The following WDR75 variants were observed in gnomAD, a reference collection of about 807,000 sequenced individuals.
The protein encoded by WDR75 is WD repeat domain 75.
In WDR75, 52 loss-of-function variants were observed where a neutral mutation model predicts 106.1. That is an observed-to-expected ratio of 0.49 (90% CI 0.39 to 0.62). WDR75 has a LOEUF of 0.62. WDR75 is among the 20% of genes least tolerant of loss of function. The probability of loss-of-function intolerance (pLI) is 0.00; values close to 1 mark genes in which losing one functional copy is unlikely to be tolerated. For missense variants in WDR75, 905 were observed against 970.3 expected (o/e 0.93, Z 0.89); for synonymous variants, 333 against 335.5 (o/e 0.99, Z 0.08).
At chr2:189,451,919 A>G (rs1686631262) in intron 4 of WDR75, 24 bp downstream of exon 4, 1 of 1,575,068 alleles carries the variant, frequency 6.3e-7, no homozygotes, top group Admixed American at 1.7e-5. Flanking sequence ...AACTTACTAT[A>G]TATGGCATTG....
intron 18 of WDR75, 115 bp from the exon 19 acceptor site, chr2:189,474,070 AT>A: frequency 8.9e-7 from 1 of 1,127,694 alleles, no homozygotes; most frequent in African/African-American, 1.6e-5. Context: ...TAACTGGATA[AT>A]TTGTAAAATT....
rs1686800094 is a variant in WDR75, at chr2:189,458,850, A to G, written c.667A>G (p.Met223Val). Residue 223 changes from methionine to valine, a missense_variant, in exon 7 of 21, where the codon ATG becomes GTG. Met to Val is a conservative substitution (Grantham distance 21, BLOSUM62 1). Coordinates refer to ENST00000314761, the MANE Select transcript of WDR75 (RefSeq NM_032168.3). Reference protein sequence around the residue: ...PTEDCIASGHMDGKIRLWRNF... With the variant: ...PTEDCIASGHVDGKIRLWRNF... ...GGAAGACTGCATCGCATCTGGTCAC[A>G]TGGATGGCAAAATTCGTCTTTGGTC... is the stretch of plus-strand genomic sequence containing the variant. 2 of 1,603,048 alleles carry G rather than the reference A, an allele frequency of 1.2e-6. No individual in the cohort carries two copies. The highest frequency in any genetic ancestry group is 1.7e-6 in the Non-Finnish European group (2 of 1,175,596).
chr2:189,468,411 C>T, intron 14 of WDR75, 64 bp from the exon 15 acceptor site: 4 of 1,448,714 alleles, frequency 2.8e-6, no homozygotes, highest in Non-Finnish European at 3.9e-6. Context: ...TGGAAGCCTG[C>T]AGTTCTTTGT....
intron 3 of WDR75, 87 bp downstream of exon 3, chr2:189,451,055 A>G: frequency 7.1e-7 from 1 of 1,408,948 alleles, no homozygotes; most frequent in Non-Finnish European, 9.3e-7. Context: ...TATAAGGCCA[A>G]ATATTTAAAT....
At position 189,441,572 on chromosome 2, in the gene WDR75, A is replaced by G; in HGVS notation, c.80A>G (p.Asp27Gly). Residue 27 changes from aspartate to glycine, a missense_variant, in exon 1 of 21, where the codon GAT (aspartate) becomes GGT (glycine). Asp to Gly is a moderately conservative substitution (Grantham distance 94, BLOSUM62 -1). Coordinates refer to ENST00000314761, the MANE Select transcript of WDR75 (RefSeq NM_032168.3). ...LNFRRAVFSA[D>G]SKYIFCVSGD... ...TTTAGGAGAGCTGTGTTCTCTGCAG[A>G]TTCTAAGTATGAGGGGCACCGCGCT... 6.4e-7 allele frequency: 1 copy of G among 1,557,860 alleles called. No homozygotes were observed. Among genetic ancestry groups the G allele is most frequent in the Non-Finnish European group, 8.7e-7 (1 of 1,149,972 alleles).
At chr2:189,456,391 A>G (rs1686737008) in intron 5 of WDR75, among the ~76,000 whole-genome samples, 1 of 152,140 alleles carries the variant, frequency 6.6e-6, no homozygotes, top group Non-Finnish European at 1.5e-5. Flanking sequence ...ATTCATCAGC[A>G]AGAGAATAAA....
intron 4 of WDR75, among the ~76,000 whole-genome samples, chr2:189,454,855 C>T (rs79097731): frequency 0.065 from 9,840 of 152,170 alleles, 495 homozygotes; most frequent in African/African-American, 0.14. Flanking sequence ...TTAAAACTTG[C>T]TCATTCAAAC....
chr2:189,469,071 A>G (rs1407551354), intron 15 of WDR75, among the ~76,000 whole-genome samples: 1 of 152,184 alleles, frequency 6.6e-6, no homozygotes, highest in Non-Finnish European at 1.5e-5. Flanking sequence ...TCTGGTTAAC[A>G]TACTGTACAC....
At chr2:189,450,301 C>T (rs1038378934) in intron 2 of WDR75, 2 of 985,632 alleles carry the variant, frequency 2.0e-6, no homozygotes, top group Non-Finnish European at 2.4e-6. Context: ...ACTGAGTAAG[C>T]TGAGTTCTGG....
chr2:189,453,215 A>G (rs1013568531), intron 4 of WDR75, among the ~76,000 whole-genome samples: 1 of 152,202 alleles, frequency 6.6e-6, no homozygotes. Context: ...CGTATGTTGA[A>G]TACGTGGATT....
intron 14 of WDR75, 27 bp from the exon 15 acceptor site, chr2:189,468,448 G>A (rs1251532039): frequency 6.2e-7 from 1 of 1,609,650 alleles, no homozygotes; most frequent in Admixed American, 1.7e-5. Flanking sequence ...ACTGACTGTT[G>A]CTAACTTCCT....
chr2:189,463,939 A>G lies in WDR75; in HGVS notation c.1091A>G (p.Gln364Arg), dbSNP rs368570403. Residue 364 changes from glutamine (Q) to arginine (R), a missense_variant, in exon 11 of 21, where the codon CAG (glutamine) becomes CGG (arginine). Physicochemically the swap from Gln to Arg is conservative, Grantham distance 43. Coordinates refer to ENST00000314761, the MANE Select transcript of WDR75 (RefSeq NM_032168.3). ...GGCCACCTGCAGTTTTATTCTCTCC[A>G]GAGTGATAAACAGTTATACAATGTA... is the stretch of plus-strand genomic sequence containing the variant. ...KPGHLQFYSL[Q>R]SDKQLYNLDI... 4 of 1,613,572 alleles carry G rather than the reference A, an allele frequency of 2.5e-6. No homozygotes were observed. In the African/African-American group the frequency reaches 4.0e-5, roughly 16 times the overall value.
chr2:189,444,982 T>C (rs1270726895), intron 1 of WDR75, among the ~76,000 whole-genome samples: 1 of 152,180 alleles, frequency 6.6e-6, no homozygotes, highest in African/African-American at 2.4e-5. Flanking sequence ...AATTTCTTAC[T>C]TCTTCACTTT....
chr2:189,441,511 A>T lies in WDR75; in HGVS notation c.19A>T (p.Ile7Phe), dbSNP rs1282164785. 2 of 1,565,616 alleles carry T rather than the reference A, an allele frequency of 1.3e-6. No individual in the cohort carries two copies. The highest frequency in any genetic ancestry group is 2.7e-5 in the African/African-American group (2 of 73,892). Residue 7 changes from isoleucine (I) to phenylalanine (F), a missense_variant, in exon 1 of 21, where the codon ATC becomes TTC. Physicochemically the swap from Ile to Phe is conservative, Grantham distance 21. Transcript: ENST00000314761. Reference protein sequence around the residue: MVEEENIRVVRCGGSEL... With the variant: MVEEENFRVVRCGGSEL... Reference sequence around the variant, plus strand: ...CGCAAAGATGGTGGAGGAGGAGAACATCCGCGTGGTTCGTTGTGGCGGCAG... The same window carrying T: ...CGCAAAGATGGTGGAGGAGGAGAACTTCCGCGTGGTTCGTTGTGGCGGCAG...
chr2:189,443,336 CAG>C (rs1220275945), intron 1 of WDR75, among the ~76,000 whole-genome samples: 4 of 152,092 alleles, frequency 2.6e-5, no homozygotes, highest in Non-Finnish European at 4.4e-5. Context: ...GCAAGAAAGA[CAG>C]AAGTGATTTC....
chr2:189,449,163 T>A (rs1686563959), intron 2 of WDR75: 1 of 1,010,890 alleles, frequency 9.9e-7, no homozygotes, highest in African/African-American at 1.7e-5. Context: ...TTCTTAAGTT[T>A]CGGCAAATCT....
At chr2:189,456,531 T>C (rs757047008) in intron 5 of WDR75, among the ~76,000 whole-genome samples, 57 of 151,550 alleles carry the variant, frequency 3.8e-4, no homozygotes, top group Non-Finnish European at 6.2e-4. Flanking sequence ...CAGAAAAGAG[T>C]GTATATTTTA....
At chr2:189,457,689 G>A (rs1446097434) in intron 6 of WDR75, among the ~76,000 whole-genome samples, 1 of 152,132 alleles carries the variant, frequency 6.6e-6, no homozygotes, top group East Asian at 1.9e-4. Flanking sequence ...GTCATTTTAT[G>A]AATGTAGGAA....
rs566785369 is a variant in WDR75 at position 189,472,163 on chromosome 2, T to G, written c.2049+1285T>G. ...GTCTCTAAACTTGCGGTATTCACAG[T>G]CCACCAGAAGATAGAGACAGTAAAC... On this transcript the variant is annotated intron_variant, in intron 18 of 20. Coordinates refer to ENST00000314761, the MANE Select transcript of WDR75 (RefSeq NM_032168.3). Among the ~76,000 whole-genome samples the G allele has an allele frequency of 2.4e-4, 37 of 152,274 alleles. No homozygotes were observed. The South Asian group carries it at 6.2e-3, about 26-fold the overall frequency.
Sources: allele counts gnomAD v4.1 joint callset (sites outside exome capture counted in the v4.1 genomes callset), GRCh38; gene constraint gnomAD v4.1.1; transcripts MANE v1.5; gene names NCBI Gene and HGNC (gene_info 2026-07-23, HGNC 2026-07-21).